Variants in MICU1 observed in about 807,000 individuals in gnomAD.
MICU1 encodes mitochondrial calcium uptake 1, also known as calcium uptake protein 1, mitochondrial.
In MICU1, 45 loss-of-function variants were observed where a neutral mutation model predicts 56.8. The observed-to-expected ratio is 0.79, with a 90% CI of 0.62 to 1.02. The LOEUF (loss-of-function observed/expected upper bound fraction) is 1.02. Among genes scored for constraint, MICU1 ranks in the 50% least tolerant of loss-of-function variants. MICU1 has a pLI of 0.00. For synonymous variants in MICU1, 186 were observed against 195.1 expected, an observed-to-expected ratio of 0.95 and a Z score of 0.39; for missense variants, 504 against 587.1, an observed-to-expected ratio of 0.86 and a Z score of 1.46.
intron 8 of MICU1, among the ~76,000 whole-genome samples, chr10:72,448,472 C>T (rs753934413): frequency 1.3e-5 from 2 of 151,114 alleles, no homozygotes; most frequent in African/African-American, 2.4e-5. Context: ...CCGCACCTGG[C>T]CAAGTTAATA....
chr10:72,429,278 G>T (rs1170775814), intron 8 of MICU1, among the ~76,000 whole-genome samples: 1 of 151,794 alleles, frequency 6.6e-6, no homozygotes, highest in Non-Finnish European at 1.5e-5. Context: ...AAATTAGCCG[G>T]GTCTGGTGGT....
At chr10:72,452,620 G>A (rs185462727) in intron 8 of MICU1, among the ~76,000 whole-genome samples, 138 of 152,270 alleles carry the variant, frequency 9.1e-4, no homozygotes, top group Non-Finnish European at 1.6e-3. Flanking sequence ...ATGGTATTCA[G>A]TACAGTAACA....
intron 4 of MICU1, among the ~76,000 whole-genome samples, chr10:72,545,610 G>C (rs371389637): frequency 5.9e-5 from 9 of 152,280 alleles, no homozygotes; most frequent in Admixed American, 5.9e-4. Flanking sequence ...GGAGAACCAA[G>C]GTTCTTATTA....
At chr10:72,477,715 T>C (rs1036359656) in intron 6 of MICU1, 2 of 625,072 alleles carry the variant, frequency 3.2e-6, no homozygotes, top group Non-Finnish European at 5.5e-6. Flanking sequence ...TTGTTCTTTC[T>C]AGTCTCTTTG....
rs1867471926 is a variant in MICU1, at chr10:72,512,097, G to GTTTTTTTTTTTTTTT, written c.538-3829_538-3828insAAAAAAAAAAAAAAA. Among the ~76,000 whole-genome samples the GTTTTTTTTTTTTTTT allele has an allele frequency of 3.0e-5, 3 of 100,702 alleles. 1 individual carries two copies. The highest frequency in any genetic ancestry group is 1.2e-4 in the African/African-American group (3 of 24,086). The allele number at this position is 100,702 out of a possible 152,430, so 66.1% of individuals were successfully genotyped here. A position where few individuals can be genotyped will look rare whatever the true frequency, so the allele number is the denominator to read the frequency against. On this transcript the variant is annotated intron_variant, in intron 5 of 11. Transcript: ENST00000361114. ...CTTATCAATCTGGCATCCATACACA[G>GTTTTTTTTTTTTTTT]TTGTTTTTTGTTTTTTTTTTTTTTT...
At chr10:72,432,087 C>CTTTTTTT (rs35109632) in intron 8 of MICU1, among the ~76,000 whole-genome samples, 1 of 120,524 alleles carries the variant, frequency 8.3e-6, no homozygotes. Flanking sequence ...AATGTATTGC[C>CTTTTTTT]TTTTTTTTTT....
At chr10:72,501,464 CAT>C (rs975167893) in intron 6 of MICU1, among the ~76,000 whole-genome samples, 3 of 149,860 alleles carry the variant, frequency 2.0e-5, no homozygotes, top group African/African-American at 7.4e-5. Context: ...AAAAAAACAA[CAT>C]ATGTTATATT....
intron 8 of MICU1, among the ~76,000 whole-genome samples, chr10:72,450,868 C>G (rs4394753): frequency 0.65 from 98,007 of 151,030 alleles, 32,923 homozygotes; most frequent in African/African-American, 0.77. Flanking sequence ...GGGATTACAG[C>G]TGTGCACCAC....
chr10:72,416,853 C>T (rs765924047), intron 9 of MICU1, among the ~76,000 whole-genome samples: 2 of 152,122 alleles, frequency 1.3e-5, no homozygotes, highest in Non-Finnish European at 2.9e-5. Context: ...TATCATTGCA[C>T]TTGATAAGCA....
chr10:72,548,138 T>C (rs917641609), intron 4 of MICU1, among the ~76,000 whole-genome samples: 1 of 152,208 alleles, frequency 6.6e-6, no homozygotes, highest in Non-Finnish European at 1.5e-5. Flanking sequence ...AAGCAACAGA[T>C]ACACAACATA....
At chr10:72,597,699 A>T (rs545436429) in intron 1 of MICU1, among the ~76,000 whole-genome samples, 2 of 152,324 alleles carry the variant, frequency 1.3e-5, no homozygotes, top group African/African-American at 4.8e-5. Context: ...CCTTATACAT[A>T]TAGCCTGAAG....
At chr10:72,555,888 T>G (rs1840146728) in intron 3 of MICU1, among the ~76,000 whole-genome samples, 1 of 152,208 alleles carries the variant, frequency 6.6e-6, no homozygotes, top group African/African-American at 2.4e-5. Flanking sequence ...AAGGGACATA[T>G]TTTCCCTTGG....
rs772070238 is a variant in MICU1, at chr10:72,489,083, G to A, written c.653-11827C>T. 7.2e-5 allele frequency among the ~76,000 whole-genome samples: 11 copies of A among 152,014 alleles called. No individual in the cohort carries two copies. In the East Asian group the frequency reaches 9.6e-4, roughly 13 times the overall value. On this transcript the variant is annotated intron_variant, in intron 6 of 11. Transcript: ENST00000361114. ...GCAGGTGGATCACTTGAGGTTAGGC[G>A]TTCAAGACCAGCGTGGCCAACAAAC...
intron 10 of MICU1, chr10:72,379,545 C>T: frequency 2.3e-6 from 1 of 430,770 alleles, no homozygotes; most frequent in Non-Finnish European, 4.7e-6. Context: ...CTTGATATTT[C>T]AAGTACTCAT....
intron 10 of MICU1, among the ~76,000 whole-genome samples, chr10:72,398,728 C>T (rs939999555): frequency 9.2e-5 from 14 of 152,088 alleles, no homozygotes; most frequent in Non-Finnish European, 1.3e-4. Flanking sequence ...TACACCCTCC[C>T]AAGACTAAAC....
At chr10:72,581,292 T>C (rs1412804692) in intron 1 of MICU1, among the ~76,000 whole-genome samples, 4 of 152,168 alleles carry the variant, frequency 2.6e-5, no homozygotes, top group Non-Finnish European at 5.9e-5. Context: ...GCCATGAACC[T>C]AGGAGAAAAG....
intron 4 of MICU1, among the ~76,000 whole-genome samples, chr10:72,543,578 G>A (rs577322087): frequency 1.1e-4 from 16 of 152,232 alleles, no homozygotes; most frequent in East Asian, 7.7e-4. Context: ...ACTTAGGGAC[G>A]AACGTGGTGG....
At chr10:72,513,710 G>C (rs541456540) in intron 5 of MICU1, among the ~76,000 whole-genome samples, 1 of 151,862 alleles carries the variant, frequency 6.6e-6, no homozygotes, top group Non-Finnish European at 1.5e-5. Context: ...TCCATTTTGA[G>C]TTAAATTTTG....
intron 7 of MICU1, among the ~76,000 whole-genome samples, chr10:72,476,417 T>C (rs1356348592): frequency 2.0e-5 from 3 of 151,890 alleles, no homozygotes; most frequent in East Asian, 3.9e-4. Flanking sequence ...CCTGTAGAGA[T>C]AGGGTCTCAC....
Sources: gnomAD v4.1 joint callset for allele counts (sites outside exome capture counted in the v4.1 genomes callset) on GRCh38, gnomAD v4.1.1 for gene constraint, MANE v1.5 for transcripts, NCBI Gene and HGNC (gene_info 2026-07-23, HGNC 2026-07-21) for gene names.